Variants in RBMS2 observed in about 807,000 individuals in gnomAD.
The protein encoded by RBMS2 is RNA binding motif single stranded interacting protein 2, also known as RNA-binding motif, single-stranded-interacting protein 2.
RBMS2 carries 38 observed loss-of-function variants against 58.4 expected under a neutral mutation model. That is an observed-to-expected ratio of 0.65 (90% CI 0.50 to 0.85). RBMS2 has a LOEUF of 0.85. Ranked by LOEUF, RBMS2 falls within the 40% of genes least tolerant of loss-of-function variation. The pLI, the probability that RBMS2 is intolerant of heterozygous loss-of-function variation, is 0.00. For missense variants in RBMS2, 367 were observed against 503.7 expected (o/e 0.73, Z 2.60); for synonymous variants, 151 against 180.7 (o/e 0.84, Z 1.32).
chr12:56,565,042 G>T (rs540715087), intron 2 of RBMS2, among the ~76,000 whole-genome samples: 2 of 152,158 alleles, frequency 1.3e-5, no homozygotes, highest in East Asian at 3.9e-4. Context: ...AAATAAAATG[G>T]TGTAGTATTT....
rs935727505 is a variant in RBMS2, at chr12:56,588,636, C to T, written c.1143+262C>T. ...TCCATATTTAAAAAAAAAACAACAG[C>T]AGATGTAGGAAAGAAGGACTTGGTC... is the stretch of plus-strand genomic sequence containing the variant. On this transcript the variant is annotated intron_variant, in intron 12 of 13. Transcript: ENST00000262031. 80 of 585,192 alleles carry T rather than the reference C, an allele frequency of 1.4e-4. 1 individual carries two copies. Among genetic ancestry groups the T allele is most frequent in the Non-Finnish European group, 2.2e-4 (72 of 330,908 alleles). The allele number at this position is 585,192 out of a possible 1,614,324, so 36.2% of individuals were successfully genotyped here.
intron 1 of RBMS2, among the ~76,000 whole-genome samples, chr12:56,533,366 T>A (rs1874132259): frequency 6.7e-6 from 1 of 149,436 alleles, no homozygotes; most frequent in South Asian, 2.1e-4. Flanking sequence ...CCTCCCAAAG[T>A]GCTGGGATTA....
intron 2 of RBMS2, among the ~76,000 whole-genome samples, chr12:56,565,518 G>A (rs935121238): frequency 5.9e-5 from 9 of 151,828 alleles, no homozygotes; most frequent in African/African-American, 1.9e-4. Context: ...CTTATCTTTT[G>A]CTGTGTCTGA....
intron 2 of RBMS2, among the ~76,000 whole-genome samples, chr12:56,564,213 G>A (rs1312727257): frequency 6.6e-6 from 1 of 151,446 alleles, no homozygotes; most frequent in African/African-American, 2.4e-5. Flanking sequence ...GCCGCCCAAA[G>A]TGCTGGGATT....
intron 1 of RBMS2, among the ~76,000 whole-genome samples, chr12:56,535,555 CGGAACTCTCAACTTGGACT>C (rs1286498260): frequency 6.6e-6 from 1 of 151,512 alleles, no homozygotes; most frequent in African/African-American, 2.4e-5. Context: ...ACCCGTATGA[CGGAACTCTCAACTTGGACT>C]GGAACTCTCA....
intron 1 of RBMS2, among the ~76,000 whole-genome samples, chr12:56,549,356 C>T (rs899322512): frequency 9.9e-5 from 15 of 151,898 alleles, no homozygotes; most frequent in Non-Finnish European, 1.9e-4. Flanking sequence ...ACAAGTAGCT[C>T]GTCTGATTGG....
chr12:56,560,477 C>T (rs1262961752), intron 1 of RBMS2, among the ~76,000 whole-genome samples: 1 of 152,064 alleles, frequency 6.6e-6, no homozygotes, highest in East Asian at 1.9e-4. Flanking sequence ...TGATCTTGAA[C>T]TCCTGAGCTC....
chr12:56,584,389 G>A (rs1391125028), intron 9 of RBMS2, among the ~76,000 whole-genome samples: 3 of 148,698 alleles, frequency 2.0e-5, no homozygotes, highest in East Asian at 2.0e-4. Flanking sequence ...CTGTGATCGC[G>A]CCACTGTACT....
At chr12:56,549,790 G>A (rs1877902838) in intron 1 of RBMS2, among the ~76,000 whole-genome samples, 1 of 152,136 alleles carries the variant, frequency 6.6e-6, no homozygotes, top group South Asian at 2.1e-4. Context: ...ACTTTGGGAG[G>A]CTGAGGCGGG....
intron 5 of RBMS2, among the ~76,000 whole-genome samples, chr12:56,577,957 G>A (rs972374055): frequency 7.2e-5 from 11 of 151,934 alleles, no homozygotes; most frequent in Admixed American, 5.2e-4. Flanking sequence ...CAGAGTGCTA[G>A]GATTACAGGC....
rs552045543 is a variant in RBMS2, at chr12:56,549,887, C to T, written c.67-12530C>T. On this transcript the variant is annotated intron_variant, in intron 1 of 13. Transcript: ENST00000262031. ...TACTAAAAATACAAAATTAACCGGG[C>T]GTGGTGGTGGGCACTGTAATCCCAG... Among the ~76,000 whole-genome samples the T allele has an allele frequency of 8.5e-4, 129 of 152,016 alleles. No individual in the cohort carries two copies. The Middle Eastern group carries it at 0.014, about 16-fold the overall frequency.
At chr12:56,550,361 T>A (rs1194397829) in intron 1 of RBMS2, among the ~76,000 whole-genome samples, 2 of 152,064 alleles carry the variant, frequency 1.3e-5, no homozygotes, top group South Asian at 4.2e-4. Context: ...TGAAACCCTG[T>A]CTCTACAAAA....
chr12:56,596,149 T>C lies in RBMS2; in HGVS notation c.*7016T>C. On this transcript the variant is annotated 3_prime_UTR_variant, in exon 14 of 14. Transcript: ENST00000262031. ...TCAAAAAGTCACTAAAACACCACAT[T>C]TGGTTATATAAAAAGTCCCTTTTGC... 1 of 152,726 alleles carries C rather than the reference T, an allele frequency of 6.5e-6. No individual in the cohort carries two copies. The highest frequency in any genetic ancestry group is 1.5e-5 in the Non-Finnish European group (1 of 68,058). The allele number at this position is 152,726 out of a possible 1,614,324, so 9.5% of individuals were successfully genotyped here.
Position 56,594,744 on chromosome 12 carries a change from C to G in RBMS2, c.*5611C>G, listed in dbSNP as rs1257101225. On this transcript the variant is annotated 3_prime_UTR_variant, in exon 14 of 14. Transcript: ENST00000262031. ...AGCCAGGTGCCCTCATCACCCGTTA[C>G]CCCTGACCTGTCCACTTGTTTTGAA... 1 of 152,246 alleles carries G rather than the reference C, an allele frequency of 6.6e-6. No homozygotes were observed. The highest frequency in any genetic ancestry group is 1.9e-4 in the East Asian group (1 of 5,196). The allele number at this position is 152,246 out of a possible 1,614,324, so 9.4% of individuals were successfully genotyped here. A position where few individuals can be genotyped will look rare whatever the true frequency, so the allele number is the denominator to read the frequency against.
At chr12:56,578,091 CT>C (rs1400907444) in intron 5 of RBMS2, among the ~76,000 whole-genome samples, 1 of 151,856 alleles carries the variant, frequency 6.6e-6, no homozygotes, top group Non-Finnish European at 1.5e-5. Flanking sequence ...TTTCAAAGTG[CT>C]GGGATTGAGG....
At chr12:56,539,810 T>A (rs1025505125) in intron 1 of RBMS2, 6 of 365,070 alleles carry the variant, frequency 1.6e-5, no homozygotes, top group African/African-American at 1.3e-4. Context: ...TACCAGTTAC[T>A]GTTCTAAGCC....
At chr12:56,557,800 G>A (rs1358608851) in intron 1 of RBMS2, among the ~76,000 whole-genome samples, 1 of 148,840 alleles carries the variant, frequency 6.7e-6, no homozygotes, top group South Asian at 2.1e-4. Context: ...GTGCAATGGC[G>A]CGATGTCAGC....
rs1164155079 is a variant in RBMS2 at position 56,533,408 on chromosome 12, C to CTTTTTTTTTTTTTTTTT, written c.66+11328_66+11344dup. The stretch of plus-strand genomic sequence containing the variant: ...TGAGCCGCGGCACCCAGCCCTATTA[C>CTTTTTTTTTTTTTTTTT]TTTTTTTTTTTTTTTTTTTTTTTTT... On this transcript the variant is annotated intron_variant, in intron 1 of 13. Transcript: ENST00000262031. Among the ~76,000 whole-genome samples, 2 of 65,310 alleles carry CTTTTTTTTTTTTTTTTT rather than the reference C, an allele frequency of 3.1e-5. 1 individual carries two copies. The highest frequency in any genetic ancestry group is 5.3e-5 in the Non-Finnish European group (2 of 37,844). The allele number at this position is 65,310 out of a possible 152,430, so 42.8% of individuals were successfully genotyped here. A position where few individuals can be genotyped will look rare whatever the true frequency, so the allele number is the denominator to read the frequency against.
At chr12:56,523,378 C>A (rs1032149906) in intron 1 of RBMS2, among the ~76,000 whole-genome samples, 26 of 152,108 alleles carry the variant, frequency 1.7e-4, no homozygotes, top group African/African-American at 6.0e-4. Flanking sequence ...ACAAAAGGGA[C>A]AATTATGTGG....
Sources: gnomAD v4.1 joint callset for allele counts (sites outside exome capture counted in the v4.1 genomes callset) on GRCh38, gnomAD v4.1.1 for gene constraint, MANE v1.5 for transcripts, NCBI Gene and HGNC (gene_info 2026-07-23, HGNC 2026-07-21) for gene names.